SCAI: variants seen among roughly 807,000 people sequenced by gnomAD.
SCAI encodes the protein protein SCAI.
Under a neutral mutation model 92.2 loss-of-function variants are expected in SCAI, and 24 were observed. The observed-to-expected ratio is 0.26, with a 90% confidence interval of 0.19 to 0.37. The LOEUF (loss-of-function observed/expected upper bound fraction) is 0.37, where lower values mean the gene tolerates loss of function less well. SCAI is among the 10% of genes least tolerant of loss of function. SCAI has a pLI of 1.00. For synonymous variants in SCAI, 261 were observed against 258.6 expected (o/e 1.01, Z -0.09); for missense variants, 450 against 736.2 (o/e 0.61, Z 4.50).
intron 2 of SCAI, among the ~76,000 whole-genome samples, chr9:125,121,369 T>C (rs1456314334): frequency 6.6e-6 from 1 of 150,964 alleles, no homozygotes; most frequent in Non-Finnish European, 1.5e-5. Context: ...AAGTAGTGAC[T>C]AGAAACCTGC....
intron 14 of SCAI, among the ~76,000 whole-genome samples, chr9:124,980,049 CAAA>C (rs34760799): frequency 2.5e-5 from 2 of 80,976 alleles, no homozygotes; most frequent in East Asian, 3.4e-4. Context: ...GACTCCGTCT[CAAA>C]AAAAAAAAAA....
chr9:125,037,902 G>A (rs1833234283), intron 3 of SCAI, among the ~76,000 whole-genome samples: 1 of 151,834 alleles, frequency 6.6e-6, no homozygotes, highest in Non-Finnish European at 1.5e-5. Flanking sequence ...GGCGACGAGA[G>A]TGAAACTCCA....
intron 2 of SCAI, among the ~76,000 whole-genome samples, chr9:125,113,562 G>A (rs1340796011): frequency 6.6e-6 from 1 of 151,628 alleles, no homozygotes; most frequent in Non-Finnish European, 1.5e-5. Flanking sequence ...ATTTTAAAAA[G>A]TAAATGCAAT....
intron 2 of SCAI, among the ~76,000 whole-genome samples, chr9:125,131,801 G>C (rs767269982): frequency 2.0e-5 from 3 of 152,172 alleles, no homozygotes; most frequent in Non-Finnish European, 2.9e-5. Flanking sequence ...CATGAGCTCT[G>C]TAACTCTAGA....
chr9:124,992,280 C>T (rs1832143770), intron 14 of SCAI, among the ~76,000 whole-genome samples: 1 of 152,006 alleles, frequency 6.6e-6, no homozygotes, highest in Non-Finnish European at 1.5e-5. Flanking sequence ...AAGAGAACTA[C>T]ATGCTTAAAT....
chr9:125,096,925 G>A (rs977227870), intron 2 of SCAI, among the ~76,000 whole-genome samples: 1 of 152,096 alleles, frequency 6.6e-6, no homozygotes, highest in Non-Finnish European at 1.5e-5. Flanking sequence ...ATATACTCCT[G>A]ACTATTTTCC....
intron 3 of SCAI, among the ~76,000 whole-genome samples, chr9:125,030,612 A>T (rs1238762171): frequency 1.3e-5 from 2 of 152,254 alleles, no homozygotes; most frequent in African/African-American, 4.8e-5. Flanking sequence ...CATATGTGAC[A>T]CCTGCAATTG....
intron 7 of SCAI, among the ~76,000 whole-genome samples, chr9:125,020,375 T>A (rs1428813820): frequency 1.3e-5 from 2 of 152,196 alleles, no homozygotes; most frequent in Non-Finnish European, 2.9e-5. Flanking sequence ...TATTTTCTCT[T>A]AAACTAAGAA....
chr9:125,024,291 TTTTGAGACGGAGTCTCAC>T (rs1447676286), intron 6 of SCAI, among the ~76,000 whole-genome samples: 1 of 151,386 alleles, frequency 6.6e-6, no homozygotes, highest in East Asian at 2.0e-4. Flanking sequence ...TTTTTTTTTT[TTTTGAGACGGAGTCTCAC>T]TTTGTCACCC....
intron 2 of SCAI, among the ~76,000 whole-genome samples, chr9:125,076,142 G>A (rs1176748457): frequency 6.6e-6 from 1 of 152,196 alleles, no homozygotes; most frequent in Non-Finnish European, 1.5e-5. Context: ...ACAGAAGGCT[G>A]TTAGTCATCA....
intron 2 of SCAI, among the ~76,000 whole-genome samples, chr9:125,140,071 G>C (rs1391726279): frequency 6.6e-6 from 1 of 151,672 alleles, no homozygotes; most frequent in Non-Finnish European, 1.5e-5. Context: ...AAAATAAAAA[G>C]TTAGCCTGGC....
At chr9:125,077,096 G>A (rs556920418) in intron 2 of SCAI, among the ~76,000 whole-genome samples, 8 of 152,214 alleles carry the variant, frequency 5.3e-5, no homozygotes, top group Non-Finnish European at 7.4e-5. Flanking sequence ...AGTTGGAAGC[G>A]CCACTGCACT....
At chr9:124,978,100 A>C (rs1489846600) in intron 14 of SCAI, among the ~76,000 whole-genome samples, 1 of 152,200 alleles carries the variant, frequency 6.6e-6, no homozygotes, top group African/African-American at 2.4e-5. Context: ...AATGAACTGA[A>C]GAAAATATCT....
At chr9:124,974,447 C>CA (rs34233299) in intron 15 of SCAI, among the ~76,000 whole-genome samples, 4,765 of 92,492 alleles carry the variant, frequency 0.052, 85 homozygotes, top group Non-Finnish European at 0.068. Context: ...GACCCCATCT[C>CA]AAAAAAAAAA....
At chr9:125,026,645 A>G (rs907908645) in intron 6 of SCAI, among the ~76,000 whole-genome samples, 167 bp downstream of exon 6, 2 of 152,232 alleles carry the variant, frequency 1.3e-5, no homozygotes, top group Non-Finnish European at 2.9e-5. Flanking sequence ...TTGCTTAGGT[A>G]ACATAAACTT....
intron 2 of SCAI, among the ~76,000 whole-genome samples, chr9:125,109,046 C>G (rs2131228284): frequency 6.6e-6 from 1 of 152,344 alleles, no homozygotes; most frequent in Admixed American, 6.5e-5. Context: ...TGCTGTTGAT[C>G]TATCACCTTA....
intron 3 of SCAI, among the ~76,000 whole-genome samples, chr9:125,041,103 C>T (rs947471377): frequency 2.0e-5 from 3 of 152,134 alleles, no homozygotes; most frequent in Non-Finnish European, 2.9e-5. Flanking sequence ...TATTTTCCTA[C>T]CTGAAATTTT....
chr9:125,084,158 C>CTTTTT (rs34786493), intron 2 of SCAI, among the ~76,000 whole-genome samples: 1,508 of 65,106 alleles, frequency 0.023, 309 homozygotes, highest in Middle Eastern at 0.032. Flanking sequence ...TTGGCTGCTG[C>CTTTTT]TTTTTTTTTT....
chr9:124,962,313 C>T (rs113688198), intron 17 of SCAI, among the ~76,000 whole-genome samples: 34 of 151,974 alleles, frequency 2.2e-4, no homozygotes, highest in African/African-American at 7.2e-4. Flanking sequence ...GCTCACGCCA[C>T]GACGCCCAGC....
Sources: allele counts gnomAD v4.1 joint callset (sites outside exome capture counted in the v4.1 genomes callset), GRCh38; gene constraint gnomAD v4.1.1; transcripts MANE v1.5; gene names NCBI Gene and HGNC (gene_info 2026-07-23, HGNC 2026-07-21).